PRKN: variants seen among roughly 807,000 people sequenced by gnomAD.
PRKN encodes E3 ubiquitin-protein ligase parkin.
PRKN carries 56 observed loss-of-function variants against 59.5 expected under a neutral mutation model. The observed-to-expected ratio is 0.94, with a 90% CI of 0.76 to 1.18. The LOEUF (loss-of-function observed/expected upper bound fraction) is 1.18. Ranked by LOEUF, PRKN falls within the 50% of genes most tolerant of loss-of-function variation. PRKN has a pLI of 0.00. For missense variants in PRKN, 657 were observed against 596.4 expected (o/e 1.10, Z -1.06); for synonymous variants, 250 against 222.1 (o/e 1.13, Z -1.12).
intron 5 of PRKN, among the ~76,000 whole-genome samples, chr6:161,977,995 C>T (rs1329312814): frequency 6.7e-6 from 1 of 149,402 alleles, no homozygotes; most frequent in Non-Finnish European, 1.5e-5. Context: ...TTCTTGCAGG[C>T]TAATTTGCAG....
intron 4 of PRKN, among the ~76,000 whole-genome samples, chr6:162,090,169 T>G (rs1229511931): frequency 1.3e-5 from 2 of 151,694 alleles, no homozygotes; most frequent in Admixed American, 6.6e-5. Context: ...TGTGTACAGG[T>G]GTGTGTGTGT....
In PRKN at chr6:162,238,876, G is replaced by A. The variant is rs557702858; in HGVS notation, c.412+23649C>T. The stretch of plus-strand genomic sequence containing the variant: ...GAAGCAAAGGATGATGCCGAGGCAC[G>A]GGCCACGTGTGCAGTGCCCGAAGGG... On this transcript the variant is annotated intron_variant, in intron 3 of 11. Transcript: ENST00000366898. Among the ~76,000 whole-genome samples, 11 of 152,246 alleles carry A rather than the reference G, an allele frequency of 7.2e-5. No individual in the cohort carries two copies. The East Asian group carries it at 1.2e-3, about 16-fold the overall frequency.
intron 7 of PRKN, among the ~76,000 whole-genome samples, chr6:161,620,157 ATT>A (rs1226074668): frequency 1.1e-4 from 15 of 135,602 alleles, no homozygotes; most frequent in East Asian, 2.1e-4. Context: ...TGCCCAGCTA[ATT>A]TTTTTTTTTT....
intron 1 of PRKN, among the ~76,000 whole-genome samples, chr6:162,622,994 AAAAC>A (rs1464381444): frequency 6.6e-6 from 1 of 152,252 alleles, no homozygotes; most frequent in African/African-American, 2.4e-5. Context: ...ACAGAAAACA[AAAAC>A]AAACAAAAAA....
chr6:161,496,576 T>A (rs1246991613), intron 9 of PRKN, among the ~76,000 whole-genome samples: 1 of 152,166 alleles, frequency 6.6e-6, no homozygotes, highest in African/African-American at 2.4e-5. Context: ...TCAGATCTTG[T>A]GAGACTTATT....
intron 7 of PRKN, among the ~76,000 whole-genome samples, chr6:161,570,149 ATAT>A (rs1780830451): frequency 2.7e-5 from 3 of 109,442 alleles, no homozygotes; most frequent in East Asian, 2.6e-4. Context: ...AAAAAAAAAT[ATAT>A]ATATATATAT....
Position 161,839,669 on chromosome 6 carries a change from T to C in PRKN, c.735-53761A>G, listed in dbSNP as rs145868512. 1.8e-3 allele frequency among the ~76,000 whole-genome samples: 275 copies of C among 152,322 alleles called. 1 individual carries two copies. Among genetic ancestry groups the C allele is most frequent in the African/African-American group, 6.2e-3 (258 of 41,576 alleles). ...TTTTTCTTGAATCAGGAATGTCCTC[T>C]AATTTCAGAAATTAATTTGAACAAT... On this transcript the variant is annotated intron_variant, in intron 6 of 11. Transcript: ENST00000366898.
At chr6:162,091,816 C>A (rs949705817) in intron 4 of PRKN, among the ~76,000 whole-genome samples, 25 of 152,122 alleles carry the variant, frequency 1.6e-4, no homozygotes, top group African/African-American at 6.0e-4. Context: ...GTGGGCGGAC[C>A]ACTTGGGCCC....
At chr6:161,708,503 G>A (rs1786605460) in intron 7 of PRKN, among the ~76,000 whole-genome samples, 1 of 150,104 alleles carries the variant, frequency 6.7e-6, no homozygotes, top group Non-Finnish European at 1.5e-5. Context: ...GAAAATTGGA[G>A]GATTCTGTGT....
chr6:161,687,294 C>T (rs747680231), intron 7 of PRKN, among the ~76,000 whole-genome samples: 5 of 140,114 alleles, frequency 3.6e-5, no homozygotes, highest in East Asian at 4.4e-4. Context: ...GAGGCTGAGA[C>T]AGGGGAATTG....
intron 1 of PRKN, among the ~76,000 whole-genome samples, chr6:162,658,303 T>C (rs1489356655): frequency 2.0e-5 from 3 of 152,218 alleles, no homozygotes; most frequent in African/African-American, 4.8e-5. Context: ...TGAAGAGTCA[T>C]ACAACGAGAT....
At chr6:162,283,457 G>A (rs561639880) in intron 2 of PRKN, among the ~76,000 whole-genome samples, 7 of 152,172 alleles carry the variant, frequency 4.6e-5, no homozygotes, top group Admixed American at 3.3e-4. Context: ...CTTCTGAGAC[G>A]ACAAGAGAGG....
At chr6:162,178,046 C>A (rs1177054941) in intron 4 of PRKN, among the ~76,000 whole-genome samples, 1 of 152,114 alleles carries the variant, frequency 6.6e-6, no homozygotes, top group Non-Finnish European at 1.5e-5. Context: ...CATATTTTCC[C>A]CTGTAGGCTA....
intron 2 of PRKN, among the ~76,000 whole-genome samples, chr6:162,362,026 C>T (rs1038626098): frequency 1.3e-5 from 2 of 152,178 alleles, no homozygotes; most frequent in African/African-American, 4.8e-5. Context: ...CAATGAATTG[C>T]TCACATTCTA....
rs535123476 is a variant in PRKN, at chr6:161,525,475, G to C, written c.1083+23379C>G. ...AATACTGGAATAAAAGGGCCAACAG[G>C]TCAGGGATATTGGGAGCAGGAGAAC... On this transcript the variant is annotated intron_variant, in intron 9 of 11. Coordinates refer to ENST00000366898, the MANE Select transcript of PRKN (RefSeq NM_004562.3). The surrounding 1 kb of genome is among the most constrained non-coding windows in gnomAD (Gnocchi z 4.7). 3.0e-4 allele frequency among the ~76,000 whole-genome samples: 45 copies of C among 152,284 alleles called. No individual in the cohort carries two copies. Among genetic ancestry groups the C allele is most frequent in the Non-Finnish European group, 3.4e-4 (23 of 68,034 alleles).
chr6:162,480,892 G>C (rs188723115), intron 1 of PRKN, among the ~76,000 whole-genome samples: 2 of 151,874 alleles, frequency 1.3e-5, no homozygotes, highest in Non-Finnish European at 2.9e-5. Context: ...TGCACCCTCC[G>C]CCTCCTGGGT....
At position 161,503,418 on chromosome 6, in the gene PRKN, G is replaced by A. The variant is rs1778033187; in HGVS notation, c.1083+45436C>T. Among the ~76,000 whole-genome samples the A allele has an allele frequency of 6.6e-6, 1 of 152,120 alleles. No homozygotes were observed. Among genetic ancestry groups the A allele is most frequent in the Non-Finnish European group, 1.5e-5 (1 of 68,010 alleles). ...CAGGTCATTCTCACCACAAATATAT[G>A]GGATAAGTACCATTTTCATCCTAAA... On this transcript the variant is annotated intron_variant, in intron 9 of 11. Coordinates refer to ENST00000366898, the MANE Select transcript of PRKN (RefSeq NM_004562.3). This position sits in a 1 kb window ranked among gnomAD's most constrained non-coding sequence, Gnocchi z 5.1.
At chr6:162,555,385 C>A (rs543793746) in intron 1 of PRKN, among the ~76,000 whole-genome samples, 3 of 152,022 alleles carry the variant, frequency 2.0e-5, no homozygotes, top group Non-Finnish European at 4.4e-5. Context: ...GAGTAATGAG[C>A]AATTTCAGTC....
chr6:162,206,019 T>C (rs920800566), intron 3 of PRKN, among the ~76,000 whole-genome samples: 9 of 152,004 alleles, frequency 5.9e-5, no homozygotes, highest in African/African-American at 2.2e-4. Flanking sequence ...ATAAAAATAA[T>C]GTTGGCCCGA....
Sources: gnomAD v4.1 joint callset for allele counts (sites outside exome capture counted in the v4.1 genomes callset) on GRCh38, gnomAD v4.1.1 for gene constraint, Gnocchi (gnomAD v3.1) non-coding constraint, MANE v1.5 for transcripts, NCBI Gene and HGNC (gene_info 2026-07-23, HGNC 2026-07-21) for gene names.